RC3H2: variants seen among roughly 807,000 people sequenced by gnomAD.
The protein encoded by RC3H2 is ring finger and CCCH-type domains 2, also known as roquin-2.
A neutral mutation model predicts 133.3 loss-of-function variants in RC3H2; 31 were observed. That is an observed-to-expected ratio of 0.23 (90% CI 0.17 to 0.31). The LOEUF is 0.31. RC3H2 is among the 10% of genes least tolerant of loss of function. The pLI, the probability that RC3H2 is intolerant of heterozygous loss-of-function variation, is 1.00. For missense variants in RC3H2, 1,175 were observed against 1,437.2 expected (o/e 0.82, Z 2.95); for synonymous variants, 517 against 502.2 (o/e 1.03, Z -0.40).
chr9:122,850,944 TA>T, intron 20 of RC3H2, 136 bp downstream of exon 20: 3 of 958,994 alleles, frequency 3.1e-6, no homozygotes, highest in African/African-American at 1.6e-5. Context: ...TTTTCTTCCC[TA>T]AAAATCCAGA....
intron 18 of RC3H2, among the ~76,000 whole-genome samples, chr9:122,852,418 C>A (rs1287192167): frequency 5.4e-5 from 8 of 147,606 alleles, no homozygotes; most frequent in South Asian, 2.2e-4. Context: ...GGGGGTCAGC[C>A]CCCCGCCTGG....
chr9:122,857,309 T>C (rs764493043), intron 13 of RC3H2, among the ~76,000 whole-genome samples: 43 of 152,148 alleles, frequency 2.8e-4, no homozygotes, highest in Middle Eastern at 3.2e-3. Flanking sequence ...AATATAACAG[T>C]ACTGAAAACA....
In RC3H2 at chr9:122,883,354, C is replaced by A; in HGVS notation, c.609G>T (p.Leu203=). 6.2e-7 allele frequency: 1 copy of A among 1,609,390 alleles called. No homozygotes were observed. The part of the protein sequence containing the change: ...GPAMQEEALK[L]VLLALEDGSA... ...AACCATCTTCTAATGCCAGTAACAC[C>A]AGCTTCAAGGCCTCTTCTTGCATAG... is the stretch of plus-strand genomic sequence containing the variant. Residue 203 remains leucine, a synonymous_variant, in exon 5 of 21, where the codon CTG becomes CTT. Transcript: ENST00000357244.
At chr9:122,882,402 A>C (rs75782312) in intron 5 of RC3H2, among the ~76,000 whole-genome samples, 149 of 152,356 alleles carry the variant, frequency 9.8e-4, no homozygotes, top group African/African-American at 3.5e-3. Context: ...TCTGCCAAAG[A>C]AACATTTTTC....
chr9:122,863,839 C>T (rs1022300384), intron 10 of RC3H2, among the ~76,000 whole-genome samples: 2 of 152,100 alleles, frequency 1.3e-5, no homozygotes, highest in Admixed American at 1.3e-4. Context: ...CAGGTTCAAG[C>T]GATTCTCCTG....
chr9:122,861,119 A>T (rs1830439050), intron 10 of RC3H2, among the ~76,000 whole-genome samples: 1 of 152,176 alleles, frequency 6.6e-6, no homozygotes, highest in African/African-American at 2.4e-5. Context: ...ATTATTTTTA[A>T]CACAAAAGAA....
intron 9 of RC3H2, among the ~76,000 whole-genome samples, chr9:122,872,685 C>T (rs1206618340): frequency 5.3e-5 from 8 of 152,108 alleles, no homozygotes; most frequent in South Asian, 4.1e-4. Context: ...CCCAGGTTCA[C>T]GCGATTCTCG....
intron 1 of RC3H2, among the ~76,000 whole-genome samples, chr9:122,903,121 G>A (rs1832720263): frequency 6.6e-6 from 1 of 150,694 alleles, no homozygotes; most frequent in Non-Finnish European, 1.5e-5. Flanking sequence ...AAATTATAAA[G>A]TAATACTTAG....
At chr9:122,862,811 C>T (rs1036513907) in intron 10 of RC3H2, among the ~76,000 whole-genome samples, 1 of 148,784 alleles carries the variant, frequency 6.7e-6, no homozygotes, top group African/African-American at 2.5e-5. Context: ...AGGAGAATTG[C>T]TTGAACCTGG....
At chr9:122,890,255 T>C in intron 4 of RC3H2, 57 bp downstream of exon 4, 4 of 1,298,480 alleles carry the variant, frequency 3.1e-6, no homozygotes, top group Non-Finnish European at 4.4e-6. Context: ...GCTCCAGAAA[T>C]TGGCATCCTC....
At chr9:122,901,067 C>T (rs532013635) in intron 1 of RC3H2, among the ~76,000 whole-genome samples, 1 of 152,292 alleles carries the variant, frequency 6.6e-6, no homozygotes, top group African/African-American at 2.4e-5. Flanking sequence ...TATTAGTCCA[C>T]CATATTATGC....
At chr9:122,890,041 C>G in intron 4 of RC3H2, 1 of 582,404 alleles carries the variant, frequency 1.7e-6, no homozygotes, top group East Asian at 2.8e-5. Flanking sequence ...ACTTAGGGGG[C>G]TGAGTCAGGA....
intron 1 of RC3H2, among the ~76,000 whole-genome samples, chr9:122,900,419 A>C (rs1254713174): frequency 6.6e-6 from 1 of 152,182 alleles, no homozygotes; most frequent in Non-Finnish European, 1.5e-5. Flanking sequence ...TAGATTCCTT[A>C]ATTAAGATAA....
intron 5 of RC3H2, among the ~76,000 whole-genome samples, chr9:122,881,003 T>C (rs1831595447): frequency 6.6e-6 from 1 of 152,154 alleles, no homozygotes; most frequent in Admixed American, 6.5e-5. Context: ...TTGCCTTCAA[T>C]GATTTCAGCC....
intron 10 of RC3H2, among the ~76,000 whole-genome samples, chr9:122,862,716 G>A (rs1010748644): frequency 9.2e-5 from 14 of 151,970 alleles, no homozygotes; most frequent in African/African-American, 3.4e-4. Flanking sequence ...CCAACATGGC[G>A]AAACCCCGTC....
At chr9:122,851,056 T>C (rs766617717) in intron 20 of RC3H2, 25 bp downstream of exon 20, 7 of 1,612,996 alleles carry the variant, frequency 4.3e-6, no homozygotes, top group African/African-American at 4.0e-5. Flanking sequence ...GCCCACTGTT[T>C]ATGAATTTTC....
chr9:122,881,320 C>T (rs1432485371), intron 5 of RC3H2, among the ~76,000 whole-genome samples: 1 of 151,864 alleles, frequency 6.6e-6, no homozygotes, highest in Non-Finnish European at 1.5e-5. Context: ...AACCCCATCT[C>T]AAGAAAAAAT....
Position 122,862,622 on chromosome 9 carries a change from C to T in RC3H2, c.1635-2491G>A, listed in dbSNP as rs1408615065. ...TTTAAAAGTCTTTACCAGCTGGGCA[C>T]AGTGGCTCACACCTGTAATCCCAGC... is the stretch of plus-strand genomic sequence containing the variant. On this transcript the variant is annotated intron_variant, in intron 10 of 20. Transcript: ENST00000357244. Among the ~76,000 whole-genome samples, 9 of 152,198 alleles carry T rather than the reference C, an allele frequency of 5.9e-5. No individual in the cohort carries two copies. The South Asian group carries it at 1.2e-3, about 21-fold the overall frequency.
At position 122,905,289 on chromosome 9, in the gene RC3H2, C is replaced by G. The variant is rs1832801419; in HGVS notation, c.-247G>C. 1 of 951,826 alleles carries G rather than the reference C, an allele frequency of 1.1e-6. No homozygotes were observed. Among genetic ancestry groups the G allele is most frequent in the African/African-American group, 1.8e-5 (1 of 56,490 alleles). 59.0% of individuals were successfully genotyped at this position (951,826 alleles called of 1,614,324 possible). ...GCGGCGGCGAAGGCCGCGACGGGGC[C>G]TCCTCCTCCTCCCTCCACCTCCGCC... On this transcript the variant is annotated 5_prime_UTR_variant, in exon 1 of 21. Transcript: ENST00000357244.
Sources: allele counts gnomAD v4.1 joint callset (sites outside exome capture counted in the v4.1 genomes callset), GRCh38; gene constraint gnomAD v4.1.1; transcripts MANE v1.5; gene names NCBI Gene and HGNC (gene_info 2026-07-23, HGNC 2026-07-21).